CACNA2D3: variants seen among roughly 807,000 people sequenced by gnomAD.
CACNA2D3 encodes the protein calcium voltage-gated channel auxiliary subunit alpha2delta 3, also known as voltage-dependent calcium channel subunit alpha-2/delta-3.
CACNA2D3 carries 60 observed loss-of-function variants against 160.6 expected under a neutral mutation model. The ratio of observed to expected loss-of-function variants is 0.37; its 90% confidence interval spans 0.30 to 0.46. The LOEUF is 0.46. CACNA2D3 is among the 20% of genes least tolerant of loss of function. The pLI, the probability that CACNA2D3 is intolerant of heterozygous loss-of-function variation, is 1.00. For synonymous variants in CACNA2D3, 558 were observed against 492.9 expected (o/e 1.13, Z -1.75); for missense variants, 1,205 against 1,365.0 (o/e 0.88, Z 1.85).
At chr3:54,586,262 C>CAA (rs34992866) in intron 9 of CACNA2D3, among the ~76,000 whole-genome samples, 22,767 of 101,062 alleles carry the variant, frequency 0.23, 2,998 homozygotes, top group African/African-American at 0.33. Flanking sequence ...AGATCCATCT[C>CAA]AAAAAAAAAA....
At chr3:54,409,107 CTG>C (rs1472195830) in intron 4 of CACNA2D3, among the ~76,000 whole-genome samples, 2 of 152,206 alleles carry the variant, frequency 1.3e-5, no homozygotes, top group Non-Finnish European at 2.9e-5. Context: ...ATCACAGATA[CTG>C]TGTTTTTACA....
chr3:54,590,475 C>T (rs1343114431), intron 9 of CACNA2D3, among the ~76,000 whole-genome samples: 1 of 151,942 alleles, frequency 6.6e-6, no homozygotes, highest in East Asian at 1.9e-4. Context: ...CATGAGGGCT[C>T]CTTGTGGTGG....
intron 4 of CACNA2D3, among the ~76,000 whole-genome samples, chr3:54,418,161 C>T (rs372823231): frequency 6.6e-6 from 1 of 152,166 alleles, no homozygotes; most frequent in East Asian, 1.9e-4. Context: ...ACCGTAATGC[C>T]TGTTTTACTC....
intron 4 of CACNA2D3, among the ~76,000 whole-genome samples, chr3:54,438,466 A>C (rs1700092453): frequency 6.6e-6 from 1 of 152,218 alleles, no homozygotes; most frequent in Non-Finnish European, 1.5e-5. Context: ...TGGGAAATCA[A>C]GATGACCTTT....
chr3:54,351,190 CA>C (rs1698559298), intron 3 of CACNA2D3, among the ~76,000 whole-genome samples: 1 of 151,686 alleles, frequency 6.6e-6, no homozygotes, highest in South Asian at 2.1e-4. Flanking sequence ...GCATGTTGGC[CA>C]GGCTGGTCTC....
chr3:54,451,526 C>A (rs748509243), intron 4 of CACNA2D3, among the ~76,000 whole-genome samples: 1 of 152,074 alleles, frequency 6.6e-6, no homozygotes, highest in African/African-American at 2.4e-5. Flanking sequence ...ATCTCTATTC[C>A]GGGCTTCTCT....
chr3:54,731,167 T>C (rs1327086369), intron 11 of CACNA2D3, among the ~76,000 whole-genome samples: 1 of 152,236 alleles, frequency 6.6e-6, no homozygotes, highest in Non-Finnish European at 1.5e-5. Flanking sequence ...ATTGTATATA[T>C]AGGCATAGAC....
Position 54,122,656 on chromosome 3 carries a change from C to T in CACNA2D3, c.-58C>T, listed in dbSNP as rs1158146381. 2.0e-6 allele frequency: 2 copies of T among 999,996 alleles called. No individual in the cohort carries two copies. The highest frequency in any genetic ancestry group is 3.5e-5 in the African/African-American group (2 of 56,830). 61.9% of individuals were successfully genotyped at this position (999,996 alleles called of 1,614,324 possible). A position where few individuals can be genotyped will look rare whatever the true frequency, so the allele number is the denominator to read the frequency against. Reference sequence around the variant, plus strand: ...GCGCTCGCCCACCGCCCGCTCCGCGCAGCTCCCCGCGGCCGCTCTCGTCGC... The same window carrying T: ...GCGCTCGCCCACCGCCCGCTCCGCGTAGCTCCCCGCGGCCGCTCTCGTCGC... On this transcript the variant is annotated 5_prime_UTR_variant, in exon 1 of 38. Coordinates refer to ENST00000474759, the MANE Select transcript of CACNA2D3 (RefSeq NM_018398.3).
chr3:54,578,176 G>A (rs979566422), intron 8 of CACNA2D3, among the ~76,000 whole-genome samples: 14 of 152,192 alleles, frequency 9.2e-5, no homozygotes, highest in African/African-American at 7.2e-5. Flanking sequence ...GTAGTGCAGG[G>A]AAGTAAAAGC....
rs138983631 is a variant in CACNA2D3, at chr3:54,290,897, C to T, written c.205-29545C>T. Reference sequence around the variant, plus strand: ...ACACAGGAAGGGGAACATTCCACACCGGGGCCTGTTGTGGGGTAGCGGGGG... The same window carrying T: ...ACACAGGAAGGGGAACATTCCACACTGGGGCCTGTTGTGGGGTAGCGGGGG... On this transcript the variant is annotated intron_variant, in intron 2 of 37. Transcript: ENST00000474759. Among the ~76,000 whole-genome samples, 352 of 149,722 alleles carry T rather than the reference C, an allele frequency of 2.4e-3. 4 individuals are homozygous for T. Among genetic ancestry groups the T allele is most frequent in the African/African-American group, 7.7e-3 (312 of 40,616 alleles).
chr3:54,600,661 A>G (rs1237070853), intron 9 of CACNA2D3, among the ~76,000 whole-genome samples: 1 of 152,168 alleles, frequency 6.6e-6, no homozygotes, highest in Admixed American at 6.5e-5. Flanking sequence ...GCTGTGAGGC[A>G]ATGAGGGAAC....
intron 13 of CACNA2D3, among the ~76,000 whole-genome samples, chr3:54,806,718 G>T (rs1703137560): frequency 6.6e-6 from 1 of 151,976 alleles, no homozygotes; most frequent in African/African-American, 2.4e-5. Context: ...AAGTTCATAT[G>T]GAACCAAAAA....
chr3:54,706,519 G>GT (rs1473200766), intron 11 of CACNA2D3, among the ~76,000 whole-genome samples: 1 of 152,178 alleles, frequency 6.6e-6, no homozygotes, highest in Non-Finnish European at 1.5e-5. Context: ...ATTAAAAATG[G>GT]TATCTATCCT....
intron 2 of CACNA2D3, among the ~76,000 whole-genome samples, chr3:54,123,810 TACTC>T (rs1428827735): frequency 6.6e-6 from 1 of 152,188 alleles, no homozygotes; most frequent in Non-Finnish European, 1.5e-5. Context: ...AAAAGCAGGA[TACTC>T]ACTCGCACTG....
Position 54,554,870 on chromosome 3 carries a change from C to CTTTTTTTTTTTTTTTTTTTTTT in CACNA2D3, c.545-7909_545-7908insTTTTTTTTTTTTTTTTTTTTTT, listed in dbSNP as rs66526065. On this transcript the variant is annotated intron_variant, in intron 5 of 37. Transcript: ENST00000474759. ...TTTCTTTTCTTTTCTCTCTCACTCT[C>CTTTTTTTTTTTTTTTTTTTTTT]TTTTTTTTTTTTTTTTTTTTTGGAG... Among the ~76,000 whole-genome samples the CTTTTTTTTTTTTTTTTTTTTTT allele has an allele frequency of 6.7e-4, 64 of 96,134 alleles. 5 individuals carry two copies. The highest frequency in any genetic ancestry group is 1.1e-3 in the African/African-American group (26 of 23,616). 63.1% of individuals were successfully genotyped at this position (96,134 alleles called of 152,430 possible).
intron 2 of CACNA2D3, among the ~76,000 whole-genome samples, chr3:54,206,140 G>A (rs1344389282): frequency 6.6e-6 from 1 of 152,132 alleles, no homozygotes; most frequent in Admixed American, 6.5e-5. Context: ...GCACTTCTTG[G>A]GTACTTCATT....
rs1248639529 is a variant in CACNA2D3, at chr3:54,729,700, T to C, written c.1168-22899T>C. On this transcript the variant is annotated intron_variant, in intron 11 of 37. Coordinates refer to ENST00000474759, the MANE Select transcript of CACNA2D3 (RefSeq NM_018398.3). ...TAATTGTTAATGGTACTCTATGTTT[T>C]AAAAATCAGTGTTTATGGGCTGGGC... Among the ~76,000 whole-genome samples, 8 of 152,160 alleles carry C rather than the reference T, an allele frequency of 5.3e-5. No individual in the cohort carries two copies. The East Asian group carries it at 1.5e-3, about 29-fold the overall frequency.
intron 2 of CACNA2D3, among the ~76,000 whole-genome samples, chr3:54,171,823 T>C (rs4928006): frequency 0.74 from 113,282 of 152,072 alleles, 42,490 homozygotes; most frequent in South Asian, 0.88. Flanking sequence ...CCCTGTCTCT[T>C]CCCATGTCTG....
intron 11 of CACNA2D3, among the ~76,000 whole-genome samples, chr3:54,669,667 G>T (rs971712021): frequency 6.6e-6 from 1 of 152,062 alleles, no homozygotes; most frequent in Non-Finnish European, 1.5e-5. Flanking sequence ...CTAATGAGCT[G>T]GGGCAAATAC....
Sources: allele counts gnomAD v4.1 joint callset (sites outside exome capture counted in the v4.1 genomes callset), GRCh38; gene constraint gnomAD v4.1.1; transcripts MANE v1.5; gene names NCBI Gene and HGNC (gene_info 2026-07-23, HGNC 2026-07-21).